Variants in PLBD1 observed in about 807,000 individuals in gnomAD.
PLBD1 encodes the protein lysosomal leucine aminopeptidase.
PLBD1 carries 60 observed loss-of-function variants against 63.0 expected under a neutral mutation model. The ratio of observed to expected loss-of-function variants is 0.95; its 90% CI spans 0.77 to 1.18. PLBD1 has a LOEUF of 1.18. PLBD1 is among the 50% of genes most tolerant of loss of function. The probability of loss-of-function intolerance (pLI) is 0.00; values close to 1 mark genes in which losing one functional copy is unlikely to be tolerated. For synonymous variants in PLBD1, 262 were observed against 248.0 expected (o/e 1.06, Z -0.53); for missense variants, 598 against 677.9 (o/e 0.88, Z 1.31).
chr12:14,507,001 T>G lies in PLBD1; in HGVS notation c.1304A>C (p.Lys435Thr). The G allele has an allele frequency of 6.2e-7, 1 of 1,614,126 alleles. No homozygotes were observed. The highest frequency in any genetic ancestry group is 8.5e-7 in the Non-Finnish European group (1 of 1,179,998). ...TTTCCCTTGGTCACGCCGGAAAATT[T>G]TGGCTCGTGGAGCTAAATCATAAGA... ...DYSYDLAPRAKIFRRDQGKVT... is the reference protein window; with the variant it reads ...DYSYDLAPRATIFRRDQGKVT... Residue 435 changes from lysine to threonine, a missense_variant, in exon 9 of 11, where the codon AAA (lysine) becomes ACA (threonine). Physicochemically the swap from Lys to Thr is moderately conservative, Grantham distance 78 (BLOSUM62 -1). Coordinates refer to ENST00000240617, the MANE Select transcript of PLBD1 (RefSeq NM_024829.6).
intron 6 of PLBD1, among the ~76,000 whole-genome samples, chr12:14,532,228 C>G (rs1945471157): frequency 6.6e-6 from 1 of 152,092 alleles, no homozygotes; most frequent in Non-Finnish European, 1.5e-5. Flanking sequence ...AGTCACATCA[C>G]CAACTGCAGC....
At chr12:14,508,818 G>A (rs1945274477) in intron 8 of PLBD1, among the ~76,000 whole-genome samples, 1 of 152,030 alleles carries the variant, frequency 6.6e-6, no homozygotes, top group African/African-American at 2.4e-5. Context: ...ACAAAAACCT[G>A]ATGATGTATA....
In PLBD1 at chr12:14,510,681, G is replaced by T. The variant is rs532441578; in HGVS notation, c.1186+579C>A. On this transcript the variant is annotated intron_variant, in intron 8 of 10. Coordinates refer to ENST00000240617, the MANE Select transcript of PLBD1 (RefSeq NM_024829.6). Reference sequence around the variant, plus strand: ...CTGAGATTTTAAGGAACTGAGATTTGAATCAAGGCAGTGAGCCTCCTGGCT... The same window carrying T: ...CTGAGATTTTAAGGAACTGAGATTTTAATCAAGGCAGTGAGCCTCCTGGCT... 9.1e-4 allele frequency among the ~76,000 whole-genome samples: 139 copies of T among 152,302 alleles called. No homozygotes were observed. The Middle Eastern group carries it at 0.01, about 11-fold the overall frequency.
intron 6 of PLBD1, among the ~76,000 whole-genome samples, chr12:14,534,192 G>A (rs1423061141): frequency 3.3e-5 from 5 of 152,252 alleles, no homozygotes; most frequent in East Asian, 1.9e-4. Flanking sequence ...AAAATACTCC[G>A]ACAAAGGTAG....
At chr12:14,508,529 G>A (rs1297062879) in intron 8 of PLBD1, among the ~76,000 whole-genome samples, 3 of 152,198 alleles carry the variant, frequency 2.0e-5, no homozygotes, top group Non-Finnish European at 4.4e-5. Flanking sequence ...AGCACTTTGG[G>A]AGGCTGAGGC....
chr12:14,541,753 C>A (rs561188372), intron 3 of PLBD1, among the ~76,000 whole-genome samples: 21 of 152,268 alleles, frequency 1.4e-4, no homozygotes, highest in Non-Finnish European at 2.5e-4. Context: ...TCTTAGAAAA[C>A]TTTATTAAAA....
chr12:14,506,319 A>T (rs1414106853), intron 9 of PLBD1, 51 bp from the exon 10 acceptor site: 9 of 1,311,602 alleles, frequency 6.9e-6, no homozygotes, highest in Non-Finnish European at 7.7e-6. Context: ...TTGGAGACAC[A>T]CTTCTCCACA....
Position 14,536,586 on chromosome 12 carries a change from C to G in PLBD1, c.683G>C (p.Cys228Ser). 2 of 1,614,124 alleles carry G rather than the reference C, an allele frequency of 1.2e-6. No individual in the cohort carries two copies. Among genetic ancestry groups the G allele is most frequent in the Non-Finnish European group, 1.7e-6 (2 of 1,180,014 alleles). The change falls in exon 5 of 11, where the codon TGC becomes TCC. Residue 228 changes from cysteine to serine, a missense_variant. Coordinates refer to ENST00000240617, the MANE Select transcript of PLBD1 (RefSeq NM_024829.6). ...ATGTCTTACCTTGATAAGAGCGGAG[C>G]AATGTCCCATGTCCCATCTCTTAAA... ...KVFKRWDMGH[C>S]SALIKVLPGF...
At chr12:14,560,526 C>T (rs1381405239) in intron 1 of PLBD1, among the ~76,000 whole-genome samples, 1 of 152,196 alleles carries the variant, frequency 6.6e-6, no homozygotes. Flanking sequence ...TTTATGTCTG[C>T]TCGGCTAGTC....
At chr12:14,521,087 T>C (rs890040810) in intron 6 of PLBD1, among the ~76,000 whole-genome samples, 1 of 152,124 alleles carries the variant, frequency 6.6e-6, no homozygotes, top group African/African-American at 2.4e-5. Context: ...TTGTAAACAG[T>C]AGCACACCAC....
intron 6 of PLBD1, among the ~76,000 whole-genome samples, chr12:14,521,952 T>G (rs1945380212): frequency 6.6e-6 from 1 of 150,590 alleles, no homozygotes; most frequent in African/African-American, 2.4e-5. Context: ...GAGATATCAT[T>G]AAAAAAAAAC....
chr12:14,567,227 C>T (rs1592014136), intron 1 of PLBD1, among the ~76,000 whole-genome samples: 1 of 152,256 alleles, frequency 6.6e-6, no homozygotes, highest in East Asian at 1.9e-4. Flanking sequence ...CAAGCCGGAA[C>T]CATACCTCCC....
Position 14,540,822 on chromosome 12 carries a change from G to A in PLBD1, c.500C>T (p.Ala167Val), listed in dbSNP as rs761713974. 6.2e-7 allele frequency: 1 copy of A among 1,610,156 alleles called. No individual in the cohort carries two copies. Among genetic ancestry groups the A allele is most frequent in the Non-Finnish European group, 8.5e-7 (1 of 1,177,320 alleles). ...TCCTACATAGAGGCCATCTATTTGT[G>A]CCATCACATAGCCTGTATGTCTCCA... is the stretch of plus-strand genomic sequence containing the variant. ...SFWRHTGYVM[A>V]QIDGLYVGAK... Residue 167 changes from alanine to valine, a missense_variant, in exon 4 of 11, where the codon GCA becomes GTA. Physicochemically the swap from Ala to Val is moderately conservative, Grantham distance 64. Transcript: ENST00000240617.
intron 2 of PLBD1, among the ~76,000 whole-genome samples, chr12:14,543,307 C>G (rs1945590135): frequency 6.6e-6 from 1 of 152,146 alleles, no homozygotes; most frequent in South Asian, 2.1e-4. Flanking sequence ...TTATATTTCT[C>G]TCTTCCTCCA....
At chr12:14,563,623 T>C (rs1333094550) in intron 1 of PLBD1, among the ~76,000 whole-genome samples, 1 of 152,190 alleles carries the variant, frequency 6.6e-6, no homozygotes, top group Non-Finnish European at 1.5e-5. Flanking sequence ...ACAACTTCAG[T>C]GGCCACTCAA....
chr12:14,508,935 T>C (rs1945275359), intron 8 of PLBD1, among the ~76,000 whole-genome samples: 1 of 152,072 alleles, frequency 6.6e-6, no homozygotes, highest in African/African-American at 2.4e-5. Flanking sequence ...AACTAAAACA[T>C]CCAGGGCTTC....
At chr12:14,540,106 TTA>T (rs1555147125) in intron 4 of PLBD1, among the ~76,000 whole-genome samples, 760 of 63,962 alleles carry the variant, frequency 0.012, 64 homozygotes, top group African/African-American at 0.015. Context: ...AATATAAATA[TTA>T]TTTATATATA....
intron 1 of PLBD1, among the ~76,000 whole-genome samples, chr12:14,557,022 C>T (rs542510450): frequency 3.4e-4 from 49 of 142,278 alleles, no homozygotes; most frequent in Non-Finnish European, 6.1e-4. Context: ...CTGTCTGTCA[C>T]GCTTTTCAAA....
intron 2 of PLBD1, among the ~76,000 whole-genome samples, chr12:14,545,464 A>G (rs1471191368): frequency 6.6e-6 from 1 of 152,224 alleles, no homozygotes; most frequent in Non-Finnish European, 1.5e-5. Flanking sequence ...CAGGTGTGTT[A>G]CTATGAGGTT....
Sources: gnomAD v4.1 joint callset for allele counts (sites outside exome capture counted in the v4.1 genomes callset) on GRCh38, gnomAD v4.1.1 for gene constraint, MANE v1.5 for transcripts, NCBI Gene and HGNC (gene_info 2026-07-23, HGNC 2026-07-21) for gene names.